The following SPTSSA variants were observed in gnomAD, a reference collection of about 807,000 sequenced individuals.
SPTSSA encodes the protein small subunit of serine palmitoyltransferase A.
Under a neutral mutation model 9.1 loss-of-function variants are expected in SPTSSA, and 8 were observed. The ratio of observed to expected loss-of-function variants is 0.88; its 90% confidence interval spans 0.51 to 1.58. SPTSSA has a LOEUF of 1.58. SPTSSA is among the 40% of genes most tolerant of loss of function. The pLI is 0.00. For synonymous variants in SPTSSA, 42 were observed against 37.7 expected (o/e 1.11, Z -0.41); for missense variants, 100 against 93.8 (o/e 1.07, Z -0.27).
chr14:34,438,682 T>G (rs1272181657), intron 1 of SPTSSA, among the ~76,000 whole-genome samples: 1 of 152,170 alleles, frequency 6.6e-6, no homozygotes, highest in East Asian at 1.9e-4. Context: ...TTATTCCTTC[T>G]CCCCACATTC....
At chr14:34,451,425 T>C (rs1472421002) in intron 1 of SPTSSA, among the ~76,000 whole-genome samples, 1 of 152,126 alleles carries the variant, frequency 6.6e-6, no homozygotes, top group Admixed American at 6.6e-5. Flanking sequence ...CAAATTTCTT[T>C]TGTAAAATCA....
At chr14:34,448,958 C>A (rs1048140906) in intron 1 of SPTSSA, among the ~76,000 whole-genome samples, 1 of 148,586 alleles carries the variant, frequency 6.7e-6, no homozygotes, top group South Asian at 2.1e-4. Context: ...TGAGATCACA[C>A]GGCTGTACTC....
chr14:34,453,997 T>C (rs1165885830), intron 1 of SPTSSA, among the ~76,000 whole-genome samples: 1 of 152,040 alleles, frequency 6.6e-6, no homozygotes, highest in African/African-American at 2.4e-5. Context: ...CTAGGCAACC[T>C]AGTGAGACCC....
At chr14:34,461,865 C>G (rs1306634491) in intron 1 of SPTSSA, among the ~76,000 whole-genome samples, 1 of 152,106 alleles carries the variant, frequency 6.6e-6, no homozygotes, top group Non-Finnish European at 1.5e-5. Flanking sequence ...TTGGGTCCAG[C>G]GACTCACAGG....
intron 1 of SPTSSA, among the ~76,000 whole-genome samples, chr14:34,444,866 G>C (rs1883393502): frequency 6.6e-6 from 1 of 151,594 alleles, no homozygotes. Flanking sequence ...AGAACAAGGA[G>C]GGCGAATCTG....
intron 1 of SPTSSA, among the ~76,000 whole-genome samples, chr14:34,441,843 CCTTT>C (rs932062483): frequency 5.3e-5 from 8 of 150,522 alleles, no homozygotes; most frequent in Non-Finnish European, 7.4e-5. Flanking sequence ...TTTTTTTTTT[CCTTT>C]CTTTCTTTTT....
intron 1 of SPTSSA, among the ~76,000 whole-genome samples, chr14:34,445,597 A>T (rs145393867): frequency 0.019 from 2,896 of 152,302 alleles, 96 homozygotes; most frequent in African/African-American, 0.066. Flanking sequence ...ATCAAACTTC[A>T]GTTTCAAAAT....
intron 1 of SPTSSA, among the ~76,000 whole-genome samples, chr14:34,443,158 TG>T (rs1237250827): frequency 8.9e-5 from 9 of 101,042 alleles, no homozygotes; most frequent in Non-Finnish European, 1.3e-4. Context: ...TGTGTGTGTG[TG>T]TGTGTGTGTG....
intron 1 of SPTSSA, among the ~76,000 whole-genome samples, chr14:34,445,346 C>T (rs1255770639): frequency 6.6e-6 from 1 of 151,692 alleles, no homozygotes; most frequent in Non-Finnish European, 1.5e-5. Flanking sequence ...ATGAAACATA[C>T]AAAAACTAGC....
Position 34,462,222 on chromosome 14 carries a change from G to T in SPTSSA, c.-15C>A, listed in dbSNP as rs773955572. 1.5e-5 allele frequency: 23 copies of T among 1,510,626 alleles called. No homozygotes were observed. In the East Asian group the frequency reaches 6.6e-4, roughly 43 times the overall value. The allele number at this position is 1,510,626 out of a possible 1,614,324, so 93.6% of individuals were successfully genotyped here. ...ATCCCCGCCATGCGCCTCCCGCGAT[G>T]CAGCTCACACGTCAGTCTGTCCGGC... On this transcript the variant is annotated 5_prime_UTR_variant, in exon 1 of 2. Coordinates refer to ENST00000298130, the MANE Select transcript of SPTSSA (RefSeq NM_138288.4).
chr14:34,443,237 G>T (rs868267935), intron 1 of SPTSSA, among the ~76,000 whole-genome samples: 6 of 72,878 alleles, frequency 8.2e-5, no homozygotes, highest in South Asian at 7.4e-4. Flanking sequence ...GTGTGTGTGT[G>T]TTTTGAGATG....
rs1043206248 is a variant in SPTSSA, at chr14:34,462,156, A to C, written c.52T>G (p.Tyr18Asp). The change falls in exon 1 of 2, where the codon TAC (tyrosine) becomes GAC (aspartate). Residue 18 changes from tyrosine (Y) to aspartate (D), a missense_variant. Tyr to Asp is a radical substitution (Grantham distance 160). Transcript: ENST00000298130. ...AGCGCCGTGACCAGCAGGTACTGGT[A>C]GTAGAACCAGGACATCTGCTTCCAG... ...RAWKQMSWFYYQYLLVTALYM... is the reference protein window; with the variant it reads ...RAWKQMSWFYDQYLLVTALYM... 4 of 1,531,216 alleles carry C rather than the reference A, an allele frequency of 2.6e-6. No homozygotes were observed. The African/African-American group carries it at 4.3e-5, about 17-fold the overall frequency. 94.9% of individuals were successfully genotyped at this position (1,531,216 alleles called of 1,614,324 possible).
At position 34,452,895 on chromosome 14, in the gene SPTSSA, T is replaced by C. The variant is rs1883552907; in HGVS notation, c.112+9201A>G. 2.0e-5 allele frequency among the ~76,000 whole-genome samples: 3 copies of C among 152,130 alleles called. No individual in the cohort carries two copies. In the South Asian group the frequency reaches 6.2e-4, roughly 32 times the overall value. On this transcript the variant is annotated intron_variant, in intron 1 of 1. Transcript: ENST00000298130. The stretch of plus-strand genomic sequence containing the variant: ...ATATTTCATCATTTAGGGGAGCAGA[T>C]TAGTGGGAAAATAATTAGGTGACCC...
Position 34,462,172 on chromosome 14 carries a change from C to G in SPTSSA, c.36G>C (p.Gln12His), listed in dbSNP as rs371299315. ...GGTACTGGTAGTAGAACCAGGACATCTGCTTCCAGGCCCGCGCCAGCGCCA... is the reference window on the plus strand; with the variant it reads ...GGTACTGGTAGTAGAACCAGGACATGTGCTTCCAGGCCCGCGCCAGCGCCA... Reference protein sequence around the residue: ...AGMALARAWKQMSWFYYQYLL... With the variant: ...AGMALARAWKHMSWFYYQYLL... Residue 12 changes from glutamine (Q) to histidine (H), a missense_variant, in exon 1 of 2, where the codon CAG (glutamine) becomes CAC (histidine). Gln to His is a conservative substitution (Grantham distance 24). Transcript: ENST00000298130. 7.2e-6 allele frequency: 11 copies of G among 1,534,802 alleles called. No individual in the cohort carries two copies. The highest frequency in any genetic ancestry group is 2.3e-5 in the South Asian group (2 of 86,722).
chr14:34,451,550 C>A (rs565318634), intron 1 of SPTSSA, among the ~76,000 whole-genome samples: 4 of 151,750 alleles, frequency 2.6e-5, no homozygotes, highest in Non-Finnish European at 5.9e-5. Context: ...GGTGAAACCC[C>A]GTCTCTACTA....
intron 1 of SPTSSA, among the ~76,000 whole-genome samples, chr14:34,443,550 T>TGTGTGC (rs1555314418): frequency 1.1e-5 from 1 of 90,942 alleles, no homozygotes; most frequent in African/African-American, 5.1e-5. Flanking sequence ...TGTGTGTGTG[T>TGTGTGC]TTTGAGATGG....
intron 1 of SPTSSA, among the ~76,000 whole-genome samples, chr14:34,456,709 C>T (rs1376492755): frequency 6.6e-6 from 1 of 151,838 alleles, no homozygotes; most frequent in African/African-American, 2.4e-5. Flanking sequence ...ACCAGCCTGG[C>T]CAACATGGTG....
Position 34,433,261 on chromosome 14 carries a change from C to G in SPTSSA, c.*1940G>C, listed in dbSNP as rs1184081765. ...AATTTAATGAATCTCAGAGTGAAGA[C>G]AAATTGCCGGTTTCTGAGTAGAGGG... On this transcript the variant is annotated 3_prime_UTR_variant, in exon 2 of 2. Coordinates refer to ENST00000298130, the MANE Select transcript of SPTSSA (RefSeq NM_138288.4). 6.6e-6 allele frequency: 1 copy of G among 152,102 alleles called. No homozygotes were observed. The highest frequency in any genetic ancestry group is 1.5e-5 in the Non-Finnish European group (1 of 68,024). The allele number at this position is 152,102 out of a possible 1,614,324, so 9.4% of individuals were successfully genotyped here. A position where few individuals can be genotyped will look rare whatever the true frequency, so the allele number is the denominator to read the frequency against.
At position 34,433,962 on chromosome 14, in the gene SPTSSA, C is replaced by CAAAAAAAA. The variant is rs879067438; in HGVS notation, c.*1231_*1238dup. On this transcript the variant is annotated 3_prime_UTR_variant, in exon 2 of 2. Transcript: ENST00000298130. Reference sequence around the variant, plus strand: ...TGGGCGACAGGGCAAGACTCCGTCTCAAAAAAAAAAAAACAAAAAAACAAC... The same window carrying CAAAAAAAA: ...TGGGCGACAGGGCAAGACTCCGTCTCAAAAAAAAAAAAAAAAAAAAACAAAAAAACAAC... 1 of 108,842 alleles carries CAAAAAAAA rather than the reference C, an allele frequency of 9.2e-6. No homozygotes were observed. The highest frequency in any genetic ancestry group is 3.8e-5 in the African/African-American group (1 of 26,626). 6.7% of individuals were successfully genotyped at this position (108,842 alleles called of 1,614,324 possible).
Sources: gnomAD v4.1 joint callset for allele counts (sites outside exome capture counted in the v4.1 genomes callset) on GRCh38, gnomAD v4.1.1 for gene constraint, MANE v1.5 for transcripts, NCBI Gene and HGNC (gene_info 2026-07-23, HGNC 2026-07-21) for gene names.